ST8SIA5: variants seen among roughly 807,000 people sequenced by gnomAD.
The protein encoded by ST8SIA5 is alpha-2,8-sialyltransferase 8E.
ST8SIA5 carries 24 observed loss-of-function variants against 40.2 expected under a neutral mutation model. The observed-to-expected ratio is 0.60, with a 90% CI of 0.43 to 0.84. ST8SIA5 has a LOEUF of 0.84. Ranked by LOEUF, ST8SIA5 falls within the 40% of genes least tolerant of loss-of-function variation. The pLI, the probability that ST8SIA5 is intolerant of heterozygous loss-of-function variation, is 0.00. For missense variants in ST8SIA5, 465 were observed against 498.5 expected (o/e 0.93, Z 0.64); for synonymous variants, 198 against 201.8 (o/e 0.98, Z 0.16).
Position 46,672,850 on chromosome 18 carries a change from C to T in ST8SIA5, c.*7192G>A, listed in dbSNP as rs918056450. 1.3e-5 allele frequency: 2 copies of T among 152,152 alleles called. No homozygotes were observed. The highest frequency in any genetic ancestry group is 2.9e-5 in the Non-Finnish European group (2 of 68,030). The allele number at this position is 152,152 out of a possible 1,614,324, so 9.4% of individuals were successfully genotyped here. A position where few individuals can be genotyped will look rare whatever the true frequency, so the allele number is the denominator to read the frequency against. ...CAACTGCCCAAGGCAAAAACAAAAACAAAAATCAGATTTCTGCTTTAGGGA... is the reference window on the plus strand; with the variant it reads ...CAACTGCCCAAGGCAAAAACAAAAATAAAAATCAGATTTCTGCTTTAGGGA... On this transcript the variant is annotated 3_prime_UTR_variant, in exon 7 of 7. Coordinates refer to ENST00000315087, the MANE Select transcript of ST8SIA5 (RefSeq NM_013305.6).
At position 46,678,344 on chromosome 18, in the gene ST8SIA5, G is replaced by A. The variant is rs1201368530; in HGVS notation, c.*1698C>T. On this transcript the variant is annotated 3_prime_UTR_variant, in exon 7 of 7. Transcript: ENST00000315087. Reference sequence around the variant, plus strand: ...GCCCAAGCCAAGACACAAAAGTTTGGCCAAGAACGGAGCCCTGGATCAGGA... The same window carrying A: ...GCCCAAGCCAAGACACAAAAGTTTGACCAAGAACGGAGCCCTGGATCAGGA... 6.5e-6 allele frequency: 1 copy of A among 152,866 alleles called. No homozygotes were observed. Among genetic ancestry groups the A allele is most frequent in the Non-Finnish European group, 1.5e-5 (1 of 68,608 alleles). The allele number at this position is 152,866 out of a possible 1,614,324, so 9.5% of individuals were successfully genotyped here. A position where few individuals can be genotyped will look rare whatever the true frequency, so the allele number is the denominator to read the frequency against.
rs1251085381 is a variant in ST8SIA5, at chr18:46,678,529, A to T, written c.*1513T>A. On this transcript the variant is annotated 3_prime_UTR_variant, in exon 7 of 7. Transcript: ENST00000315087. Reference sequence around the variant, plus strand: ...ACCCAGCACGTGGGACTGGGTCTATAATCTCTGGGCCCTGCACCCCCAGAA... The same window carrying T: ...ACCCAGCACGTGGGACTGGGTCTATTATCTCTGGGCCCTGCACCCCCAGAA... The T allele has an allele frequency of 6.6e-6, 1 of 152,292 alleles. No homozygotes were observed. Among genetic ancestry groups the T allele is most frequent in the Non-Finnish European group, 1.5e-5 (1 of 68,092 alleles). 9.4% of individuals were successfully genotyped at this position (152,292 alleles called of 1,614,324 possible).
chr18:46,734,137 TCAG>T (rs2040011450), intron 1 of ST8SIA5, among the ~76,000 whole-genome samples: 1 of 152,092 alleles, frequency 6.6e-6, no homozygotes, highest in Non-Finnish European at 1.5e-5. Flanking sequence ...CGCCGCATTC[TCAG>T]CAGGATGAAC....
In ST8SIA5 at chr18:46,676,718, T is replaced by C. The variant is rs2039341475; in HGVS notation, c.*3324A>G. 6.6e-6 allele frequency: 1 copy of C among 152,210 alleles called. No homozygotes were observed. 9.4% of individuals were successfully genotyped at this position (152,210 alleles called of 1,614,324 possible). Reference sequence around the variant, plus strand: ...AGTGGGTTTAGCACAAAGGAAGACATGATGGTTGTTTTGTTTACGGGAATC... The same window carrying C: ...AGTGGGTTTAGCACAAAGGAAGACACGATGGTTGTTTTGTTTACGGGAATC... On this transcript the variant is annotated 3_prime_UTR_variant, in exon 7 of 7. Coordinates refer to ENST00000315087, the MANE Select transcript of ST8SIA5 (RefSeq NM_013305.6).
At chr18:46,756,285 CG>C (rs1003858030) in intron 1 of ST8SIA5, 92 bp downstream of exon 1, 4 of 1,540,184 alleles carry the variant, frequency 2.6e-6, no homozygotes, top group Non-Finnish European at 3.5e-6. Context: ...CCACTCACCC[CG>C]GGGCGCTGCG....
rs1009768211 is a variant in ST8SIA5 at position 46,756,760 on chromosome 18, C to A, written c.-252G>T. On this transcript the variant is annotated 5_prime_UTR_variant, in exon 1 of 7. Coordinates refer to ENST00000315087, the MANE Select transcript of ST8SIA5 (RefSeq NM_013305.6). ...CTGCCGCGGCCAGGGGCCTTCCCCA[C>A]CCCCGGGTACCTTTACCTCCAGGCG... The A allele has an allele frequency of 1.4e-5, 6 of 432,784 alleles. No individual in the cohort carries two copies. Among genetic ancestry groups the A allele is most frequent in the Non-Finnish European group, 2.0e-5 (5 of 247,688 alleles). 26.8% of individuals were successfully genotyped at this position (432,784 alleles called of 1,614,324 possible). A position where few individuals can be genotyped will look rare whatever the true frequency, so the allele number is the denominator to read the frequency against.
At chr18:46,723,692 G>A (rs1182506355) in intron 1 of ST8SIA5, among the ~76,000 whole-genome samples, 1 of 152,170 alleles carries the variant, frequency 6.6e-6, no homozygotes, top group Non-Finnish European at 1.5e-5. Context: ...TTGGAAGGCC[G>A]AGGCAGGCGG....
intron 1 of ST8SIA5, 89 bp downstream of exon 1, chr18:46,756,289 G>C (rs2040244797): frequency 2.6e-6 from 4 of 1,549,192 alleles, no homozygotes; most frequent in Non-Finnish European, 2.6e-6. Context: ...TCACCCCGGG[G>C]CGCTGCGACC....
intron 1 of ST8SIA5, among the ~76,000 whole-genome samples, chr18:46,750,787 T>A (rs573729565): frequency 6.6e-6 from 1 of 152,240 alleles, no homozygotes; most frequent in African/African-American, 2.4e-5. Context: ...GGTGCAGACA[T>A]CCTTCAAGGC....
At chr18:46,689,117 C>G (rs993313333) in intron 3 of ST8SIA5, 198 bp from the exon 4 acceptor site, 1 of 524,974 alleles carries the variant, frequency 1.9e-6, no homozygotes, top group Non-Finnish European at 3.2e-6. Flanking sequence ...TGCATGGAGC[C>G]GAGGCCTCTC....
At chr18:46,734,026 C>T (rs912133213) in intron 1 of ST8SIA5, among the ~76,000 whole-genome samples, 4 of 152,172 alleles carry the variant, frequency 2.6e-5, no homozygotes, top group East Asian at 3.9e-4. Context: ...ACCTACCTCC[C>T]GAAGCCCTCC....
chr18:46,701,640 A>C (rs914336179), intron 2 of ST8SIA5, among the ~76,000 whole-genome samples: 1 of 152,184 alleles, frequency 6.6e-6, no homozygotes, highest in Non-Finnish European at 1.5e-5. Flanking sequence ...CAGTATCTTC[A>C]TCTCAGACCC....
chr18:46,715,343 A>G (rs1226976016), intron 1 of ST8SIA5, among the ~76,000 whole-genome samples: 1 of 152,110 alleles, frequency 6.6e-6, no homozygotes, highest in African/African-American at 2.4e-5. Context: ...CTCCTCTTTG[A>G]AATGTATAAT....
intron 1 of ST8SIA5, among the ~76,000 whole-genome samples, chr18:46,712,100 G>A (rs2144513186): frequency 6.6e-6 from 1 of 152,284 alleles, no homozygotes; most frequent in East Asian, 1.9e-4. Flanking sequence ...GAGTTCTGCA[G>A]GGCCCCAGAT....
chr18:46,685,684 C>T (rs896838536), intron 5 of ST8SIA5, among the ~76,000 whole-genome samples: 2 of 152,168 alleles, frequency 1.3e-5, no homozygotes, highest in Non-Finnish European at 2.9e-5. Flanking sequence ...CCACCTTCTT[C>T]ACCCCAGCTA....
chr18:46,745,544 A>G (rs1161367453), intron 1 of ST8SIA5, among the ~76,000 whole-genome samples: 2 of 152,216 alleles, frequency 1.3e-5, no homozygotes, highest in African/African-American at 2.4e-5. Context: ...GAATAGACCA[A>G]TAACAGGTTC....
intron 1 of ST8SIA5, among the ~76,000 whole-genome samples, chr18:46,722,066 G>A (rs1336526165): frequency 6.6e-6 from 1 of 152,190 alleles, no homozygotes; most frequent in Non-Finnish European, 1.5e-5. Context: ...AAAGCACAAG[G>A]TCATGGACCT....
chr18:46,709,106 C>A (rs2039697288), intron 1 of ST8SIA5, among the ~76,000 whole-genome samples: 1 of 152,154 alleles, frequency 6.6e-6, no homozygotes, highest in Admixed American at 6.5e-5. Flanking sequence ...CTTGAGGTTG[C>A]TATGGTCTAA....
chr18:46,705,670 G>C (rs1251794095), intron 1 of ST8SIA5, among the ~76,000 whole-genome samples: 1 of 152,250 alleles, frequency 6.6e-6, no homozygotes, highest in Non-Finnish European at 1.5e-5. Context: ...TCTCCTCACA[G>C]CCCCCCTCCT....
Sources: gnomAD v4.1 joint callset for allele counts (sites outside exome capture counted in the v4.1 genomes callset) on GRCh38, gnomAD v4.1.1 for gene constraint, MANE v1.5 for transcripts, NCBI Gene and HGNC (gene_info 2026-07-23, HGNC 2026-07-21) for gene names.